The following PRPH variants were observed in gnomAD, a reference collection of about 807,000 sequenced individuals.
PRPH encodes neurofilament 4 (57kD).
PRPH carries 48 observed loss-of-function variants against 52.6 expected under a neutral mutation model. The observed-to-expected ratio is 0.91, with a 90% CI of 0.72 to 1.16. The LOEUF (loss-of-function observed/expected upper bound fraction) is 1.16. PRPH is among the 50% of genes most tolerant of loss of function. The pLI, the probability that PRPH is intolerant of heterozygous loss-of-function variation, is 0.00. For missense variants in PRPH, 579 were observed against 635.7 expected, an observed-to-expected ratio of 0.91 and a Z score of 0.96; for synonymous variants, 279 against 283.8, an observed-to-expected ratio of 0.98 and a Z score of 0.17.
chr12:49,297,600 G>GGGGCAGGGCGGGGTCGGGACTGGGCC lies in PRPH; in HGVS notation c.1217+37_1218-38dup. The GGGGCAGGGCGGGGTCGGGACTGGGCC allele has an allele frequency of 6.2e-7, 1 of 1,609,232 alleles. No individual in the cohort carries two copies. The highest frequency in any genetic ancestry group is 1.1e-5 in the South Asian group (1 of 90,896). On this transcript the variant is annotated intron_variant, in intron 6 of 8. Transcript: ENST00000257860. The surrounding 1 kb of genome is among the most constrained non-coding windows in gnomAD (Gnocchi z 4.4). The stretch of plus-strand genomic sequence containing the variant: ...CCGGTGAGGGTGGAGCTGCTGGGGC[G>GGGGCAGGGCGGGGTCGGGACTGGGCC]GGGCAGGGCGGGGTCGGGACTGGGC...
At position 49,296,977 on chromosome 12, in the gene PRPH, C is replaced by T. The variant is rs1364649865; in HGVS notation, c.791C>T (p.Ala264Val). The T allele has an allele frequency of 6.2e-7, 1 of 1,613,782 alleles. No individual in the cohort carries two copies. The highest frequency in any genetic ancestry group is 8.5e-7 in the Non-Finnish European group (1 of 1,179,948). Residue 264 changes from alanine (A) to valine (V), a missense_variant, in exon 4 of 9, where the codon GCG becomes GTG. Physicochemically the swap from Ala to Val is moderately conservative, Grantham distance 64 (BLOSUM62 0). Transcript: ENST00000257860. The surrounding 1 kb of genome is among the most constrained non-coding windows in gnomAD (Gnocchi z 5.1). The part of the protein sequence containing the change: ...EATVKPELTA[A>V]LRDIRAQYES... ...ACGGTGAAGCCCGAGCTGACGGCAGCGCTGAGGGACATCCGCGCGCAGTAC... is the reference window on the plus strand; with the variant it reads ...ACGGTGAAGCCCGAGCTGACGGCAGTGCTGAGGGACATCCGCGCGCAGTAC...
Position 49,296,538 on chromosome 12 carries a change from C to T in PRPH, c.702+11C>T. Reference sequence around the variant, plus strand: ...AAGCTGCACGAGGAGGTAAGTGGGCCCGGTATCAGGGGCGGTTTCTGAGGT... The same window carrying T: ...AAGCTGCACGAGGAGGTAAGTGGGCTCGGTATCAGGGGCGGTTTCTGAGGT... On this transcript the variant is annotated intron_variant, in intron 3 of 8. Transcript: ENST00000257860. The surrounding 1 kb of genome is among the most constrained non-coding windows in gnomAD (Gnocchi z 5.1). 1 of 1,613,200 alleles carries T rather than the reference C, an allele frequency of 6.2e-7. No homozygotes were observed.
In PRPH at chr12:49,295,680, C is replaced by A. The variant is rs754468587; in HGVS notation, c.480C>A (p.Arg160=). The part of the protein sequence containing the change: ...ELRRELELLG[R]ERDRVQVERD... ...GGCGAGAGCTGGAGCTGTTGGGCCG[C>A]GAGCGTGACCGGGTGCAGGTGGAGC... The change falls in exon 1 of 9, where the codon CGC becomes CGA. Residue 160 remains arginine, a synonymous_variant. Coordinates refer to ENST00000257860, the MANE Select transcript of PRPH (RefSeq NM_006262.4). 5.9e-6 allele frequency: 9 copies of A among 1,533,680 alleles called. No individual in the cohort carries two copies. Among genetic ancestry groups the A allele is most frequent in the Non-Finnish European group, 7.0e-6 (8 of 1,143,984 alleles).
chr12:49,297,783 C>T lies in PRPH; in HGVS notation c.1267+57C>T, dbSNP rs563680599. On this transcript the variant is annotated intron_variant, in intron 7 of 8. Transcript: ENST00000257860. This position sits in a 1 kb window ranked among gnomAD's most constrained non-coding sequence, Gnocchi z 4.4. ...TGTCCACTTCTGCCCTCCTCGGGCT[C>T]TTGCTCTGGCTCACCTCAGGGATCT... is the stretch of plus-strand genomic sequence containing the variant. The T allele has an allele frequency of 6.2e-7, 1 of 1,609,180 alleles. No individual in the cohort carries two copies. Among genetic ancestry groups the T allele is most frequent in the East Asian group, 2.2e-5 (1 of 44,868 alleles).
Position 49,296,726 on chromosome 12 carries a change from T to C in PRPH, c.703-163T>C, listed in dbSNP as rs2070761. ...GCAGCGGGGCTGTACCTCCGAAACC[T>C]GGCCTCTGGTCTCGCGCCCGCGGGG... On this transcript the variant is annotated intron_variant, in intron 3 of 8. Coordinates refer to ENST00000257860, the MANE Select transcript of PRPH (RefSeq NM_006262.4). The surrounding 1 kb of genome is among the most constrained non-coding windows in gnomAD (Gnocchi z 5.1). 21,865 of 1,231,874 alleles carry C rather than the reference T, an allele frequency of 0.018. 569 individuals are homozygous for C. The highest frequency in any genetic ancestry group is 0.099 in the African/African-American group (6,504 of 66,008). The allele number at this position is 1,231,874 out of a possible 1,614,324, so 76.3% of individuals were successfully genotyped here. A position where few individuals can be genotyped will look rare whatever the true frequency, so the allele number is the denominator to read the frequency against.
At position 49,298,443 on chromosome 12, in the gene PRPH, A is replaced by G. The variant is rs913332819; in HGVS notation, c.*90A>G. On this transcript the variant is annotated 3_prime_UTR_variant, in exon 9 of 9. Coordinates refer to ENST00000257860, the MANE Select transcript of PRPH (RefSeq NM_006262.4). ...CCTGAATTGTCTCCTCTCCCTCTGC[A>G]TGTGTCTAAAAGGTGGTACCAGGCA... The G allele has an allele frequency of 4.2e-6, 6 of 1,413,746 alleles. No homozygotes were observed. Among genetic ancestry groups the G allele is most frequent in the Admixed American group, 1.8e-5 (1 of 55,688 alleles). 87.6% of individuals were successfully genotyped at this position (1,413,746 alleles called of 1,614,324 possible).
chr12:49,298,100 T>TG, intron 8 of PRPH, 63 bp downstream of exon 8: 1 of 1,570,822 alleles, frequency 6.4e-7, no homozygotes, highest in Non-Finnish European at 8.7e-7. Flanking sequence ...AGCCCCAGCC[T>TG]GGCTGTCGCT....
rs547436039 is a variant in PRPH, at chr12:49,296,185, G to T, written c.553G>T (p.Glu185Ter). Reference protein sequence around the residue: ...DLAALKQRLEEETRKREDAEH... With the variant: ...DLAALKQRLE Reference sequence around the variant, plus strand: ...GCACGCTCTTCCCGTCAGGTTGGAGGAGGAGACGCGCAAGCGGGAGGACGC... The same window carrying T: ...GCACGCTCTTCCCGTCAGGTTGGAGTAGGAGACGCGCAAGCGGGAGGACGC... Residue 185 changes from glutamate (E) to a stop codon, truncating the protein, a stop_gained, in exon 2 of 9, where the codon GAG (glutamate) becomes TAG (stop). Coordinates refer to ENST00000257860, the MANE Select transcript of PRPH (RefSeq NM_006262.4). LOFTEE classifies it high-confidence loss of function. This position sits in a 1 kb window ranked among gnomAD's most constrained non-coding sequence, Gnocchi z 5.1. The T allele has an allele frequency of 6.2e-7, 1 of 1,612,350 alleles. No individual in the cohort carries two copies. Among genetic ancestry groups the T allele is most frequent in the Non-Finnish European group, 8.5e-7 (1 of 1,179,838 alleles).
At position 49,297,220 on chromosome 12, in the gene PRPH, T is replaced by C; in HGVS notation, c.943T>C (p.Ser315Pro). 1 of 1,613,578 alleles carries C rather than the reference T, an allele frequency of 6.2e-7. No individual in the cohort carries two copies. Among genetic ancestry groups the C allele is most frequent in the Non-Finnish European group, 8.5e-7 (1 of 1,179,902 alleles). ...CCAGGCCAAGCAGGAGATGAACGAGTCCCGACGCCAGATCCAGAGTCTAAC... is the reference window on the plus strand; with the variant it reads ...CCAGGCCAAGCAGGAGATGAACGAGCCCCGACGCCAGATCCAGAGTCTAAC... ...LRQAKQEMNE[S>P]RRQIQSLTCE... Residue 315 changes from serine to proline, a missense_variant, in exon 5 of 9, where the codon TCC becomes CCC. Physicochemically the swap from Ser to Pro is moderately conservative, Grantham distance 74. Transcript: ENST00000257860. The surrounding 1 kb of genome is among the most constrained non-coding windows in gnomAD (Gnocchi z 4.4).
In PRPH at chr12:49,297,529, A is replaced by G. The variant is rs573517274; in HGVS notation, c.1169A>G (p.Asp390Gly). The G allele has an allele frequency of 6.2e-7, 1 of 1,611,798 alleles. No homozygotes were observed. ...CTCCTCAACGTCAAGATGGCCCTGGACATCGAGATCGCCACCTACCGCAAG... is the reference window on the plus strand; with the variant it reads ...CTCCTCAACGTCAAGATGGCCCTGGGCATCGAGATCGCCACCTACCGCAAG... ...QELLNVKMAL[D>G]IEIATYRKLL... The change falls in exon 6 of 9, where the codon GAC becomes GGC. Residue 390 changes from aspartate (D) to glycine (G), a missense_variant. Asp to Gly is a moderately conservative substitution (Grantham distance 94). Coordinates refer to ENST00000257860, the MANE Select transcript of PRPH (RefSeq NM_006262.4). This position sits in a 1 kb window ranked among gnomAD's most constrained non-coding sequence, Gnocchi z 4.4.
chr12:49,295,207 C>A lies in PRPH; in HGVS notation c.7C>A (p.His3Asn). The change falls in exon 1 of 9, where the codon CAC (histidine) becomes AAC (asparagine). Residue 3 changes from histidine to asparagine, a missense_variant. Physicochemically the swap from His to Asn is moderately conservative, Grantham distance 68. Transcript: ENST00000257860. MSHHPSGLRAGFS... is the reference protein window; with the variant it reads MSNHPSGLRAGFS... The stretch of plus-strand genomic sequence containing the variant: ...CTGCCCATCCTTGGCCGCAATGAGC[C>A]ACCACCCGTCGGGCCTCCGGGCCGG... 1 of 1,611,306 alleles carries A rather than the reference C, an allele frequency of 6.2e-7. No homozygotes were observed. Among genetic ancestry groups the A allele is most frequent in the Non-Finnish European group, 8.5e-7 (1 of 1,179,532 alleles).
In PRPH at chr12:49,297,336, C is replaced by T; in HGVS notation, c.997-21C>T. ...ACGATGAAATGTTCTGCAACTGGCC[C>T]CTTCCACTCTCCTACCCCAGAACGA... On this transcript the variant is annotated intron_variant, in intron 5 of 8. Coordinates refer to ENST00000257860, the MANE Select transcript of PRPH (RefSeq NM_006262.4). The surrounding 1 kb of genome is among the most constrained non-coding windows in gnomAD (Gnocchi z 4.4). The T allele has an allele frequency of 1.9e-6, 3 of 1,613,684 alleles. No individual in the cohort carries two copies. Among genetic ancestry groups the T allele is most frequent in the Non-Finnish European group, 2.5e-6 (3 of 1,179,998 alleles).
At position 49,297,688 on chromosome 12, in the gene PRPH, C is replaced by T; in HGVS notation, c.1229C>T (p.Pro410Leu). Reference protein sequence around the residue: ...LEGEESRISVPVHSFASLNIK... With the variant: ...LEGEESRISVLVHSFASLNIK... ...TGCTTCGCCTCTAGGATCTCCGTGC[C>T]CGTCCATTCTTTTGCCTCCTTAAAT... Residue 410 changes from proline to leucine, a missense_variant, in exon 7 of 9, where the codon CCC (proline) becomes CTC (leucine). Transcript: ENST00000257860. The surrounding 1 kb of genome is among the most constrained non-coding windows in gnomAD (Gnocchi z 4.4). 1 of 1,607,676 alleles carries T rather than the reference C, an allele frequency of 6.2e-7. No individual in the cohort carries two copies. The highest frequency in any genetic ancestry group is 2.2e-5 in the East Asian group (1 of 44,866).
At position 49,296,903 on chromosome 12, in the gene PRPH, G is replaced by A. The variant is rs779248350; in HGVS notation, c.717G>A (p.Leu239=). Residue 239 remains leucine (L), a synonymous_variant, in exon 4 of 9, where the codon CTG becomes CTA. Transcript: ENST00000257860. This position sits in a 1 kb window ranked among gnomAD's most constrained non-coding sequence, Gnocchi z 5.1. The part of the protein sequence containing the change: ...KKLHEEELRD[L]QVSVESQQVQ... ...CCCGGCCGTAGGAGCTGCGAGACCTGCAGGTGAGTGTGGAGAGCCAGCAGG... is the reference window on the plus strand; with the variant it reads ...CCCGGCCGTAGGAGCTGCGAGACCTACAGGTGAGTGTGGAGAGCCAGCAGG... 1 of 1,612,300 alleles carries A rather than the reference G, an allele frequency of 6.2e-7. No individual in the cohort carries two copies. The highest frequency in any genetic ancestry group is 1.1e-5 in the South Asian group (1 of 90,830).
At position 49,297,009 on chromosome 12, in the gene PRPH, A is replaced by G. The variant is rs1368252959; in HGVS notation, c.823A>G (p.Ile275Val). The change falls in exon 4 of 9, where the codon ATC becomes GTC. Residue 275 changes from isoleucine to valine, a missense_variant. By Grantham distance (29) the Ile-to-Val change is conservative. Coordinates refer to ENST00000257860, the MANE Select transcript of PRPH (RefSeq NM_006262.4). The surrounding 1 kb of genome is among the most constrained non-coding windows in gnomAD (Gnocchi z 4.4). ...LRDIRAQYES[I>V]AAKNLQEAEE... The stretch of plus-strand genomic sequence containing the variant: ...GGACATCCGCGCGCAGTACGAGAGC[A>G]TCGCCGCGAAGAACCTGCAGGAGGC... The G allele has an allele frequency of 6.2e-7, 1 of 1,613,902 alleles. No individual in the cohort carries two copies. The highest frequency in any genetic ancestry group is 8.5e-7 in the Non-Finnish European group (1 of 1,179,956).
Position 49,296,752 on chromosome 12 carries a change from G to A in PRPH, c.703-137G>A. On this transcript the variant is annotated intron_variant, in intron 3 of 8. Coordinates refer to ENST00000257860, the MANE Select transcript of PRPH (RefSeq NM_006262.4). This position sits in a 1 kb window ranked among gnomAD's most constrained non-coding sequence, Gnocchi z 5.1. ...GGCCTCTGGTCTCGCGCCCGCGGGG[G>A]CGCAGGGCTGTACGCCCTGCCCTCC... The A allele has an allele frequency of 7.2e-7, 1 of 1,381,658 alleles. No individual in the cohort carries two copies. The highest frequency in any genetic ancestry group is 9.9e-7 in the Non-Finnish European group (1 of 1,015,110). The allele number at this position is 1,381,658 out of a possible 1,614,324, so 85.6% of individuals were successfully genotyped here.
At position 49,298,343 on chromosome 12, in the gene PRPH, A is replaced by T; in HGVS notation, c.1403A>T (p.His468Leu). Residue 468 changes from histidine (H) to leucine (L), a missense_variant, in exon 9 of 9, where the codon CAC (histidine) becomes CTC (leucine). Transcript: ENST00000257860. Reference sequence around the variant, plus strand: ...AGTGAGCTGGACAAGTCTTCTGCCCACAGTTACTGAACCCCTTGGTCCGGA... The same window carrying T: ...AGTGAGCTGGACAAGTCTTCTGCCCTCAGTTACTGAACCCCTTGGTCCGGA... ...QRSELDKSSA[H>L]SY is the part of the protein sequence containing the mutation. The T allele has an allele frequency of 6.2e-7, 1 of 1,614,180 alleles. No individual in the cohort carries two copies. Among genetic ancestry groups the T allele is most frequent in the South Asian group, 1.1e-5 (1 of 91,074 alleles).
chr12:49,296,236 A>G lies in PRPH; in HGVS notation c.604A>G (p.Lys202Glu), dbSNP rs771266311. Residue 202 changes from lysine to glutamate, a missense_variant and splice_region_variant, in exon 2 of 9, where the codon AAG becomes GAG. By Grantham distance (56) the Lys-to-Glu change is moderately conservative (BLOSUM62 1). Transcript: ENST00000257860. The surrounding 1 kb of genome is among the most constrained non-coding windows in gnomAD (Gnocchi z 5.1). ...DAEHNLVLFR[K>E]DVDDATLSRL... Reference sequence around the variant, plus strand: ...GGAGCACAACCTCGTGCTCTTCCGCAAGGTGAGTCCGAGCCCCTCTCCGAG... The same window carrying G: ...GGAGCACAACCTCGTGCTCTTCCGCGAGGTGAGTCCGAGCCCCTCTCCGAG... 6.2e-6 allele frequency: 10 copies of G among 1,612,940 alleles called. No individual in the cohort carries two copies. Among genetic ancestry groups the G allele is most frequent in the Non-Finnish European group, 5.9e-6 (7 of 1,179,816 alleles).
chr12:49,297,922 C>A lies in PRPH; in HGVS notation c.1268-36C>A, dbSNP rs776373554. The stretch of plus-strand genomic sequence containing the variant: ...GAGCCTAAGAGGAGAGATTCCCACG[C>A]CTTCCCCCTTGAACCCTTTATCCTG... On this transcript the variant is annotated intron_variant, in intron 7 of 8. Transcript: ENST00000257860. The surrounding 1 kb of genome is among the most constrained non-coding windows in gnomAD (Gnocchi z 4.4). 6.2e-7 allele frequency: 1 copy of A among 1,610,490 alleles called. No homozygotes were observed. The highest frequency in any genetic ancestry group is 1.1e-5 in the South Asian group (1 of 91,018).
Sources: allele counts gnomAD v4.1 joint callset, GRCh38; gene constraint gnomAD v4.1.1; non-coding constraint Gnocchi (gnomAD v3.1); transcripts MANE v1.5; gene names NCBI Gene and HGNC (gene_info 2026-07-23, HGNC 2026-07-21).